RUNX2: variants seen among roughly 807,000 people sequenced by gnomAD.
RUNX2 encodes the protein RUNX family transcription factor 2, also known as runt-related transcription factor 2.
In RUNX2, 10 loss-of-function variants were observed where a neutral mutation model predicts 51.7. That is an observed-to-expected ratio of 0.19 (90% CI 0.12 to 0.33). The LOEUF (loss-of-function observed/expected upper bound fraction) is 0.33, where lower values mean the gene tolerates loss of function less well. Ranked by LOEUF, RUNX2 falls within the 10% of genes least tolerant of loss-of-function variation. RUNX2 has a pLI of 1.00. For missense variants in RUNX2, 562 were observed against 691.3 expected (o/e 0.81, Z 2.10); for synonymous variants, 276 against 273.6 (o/e 1.01, Z -0.09).
At chr6:45,441,217 T>C (rs1798833426) in intron 5 of RUNX2, among the ~76,000 whole-genome samples, 1 of 152,198 alleles carries the variant, frequency 6.6e-6, no homozygotes, top group African/African-American at 2.4e-5. Flanking sequence ...GTACTATCGG[T>C]TCCTGTTGTT....
intron 2 of RUNX2, among the ~76,000 whole-genome samples, chr6:45,331,104 GGTGTGTGTGT>G (rs143223149): frequency 6.7e-6 from 1 of 149,606 alleles, no homozygotes. Flanking sequence ...TACAATGAGT[GGTGTGTGTGT>G]GTGTGTGTGT....
At chr6:45,497,433 T>C (rs190807067) in intron 6 of RUNX2, among the ~76,000 whole-genome samples, 3 of 152,354 alleles carry the variant, frequency 2.0e-5, no homozygotes, top group African/African-American at 4.8e-5. Flanking sequence ...TTTTCTCCTT[T>C]TGTAATGTAC....
In RUNX2 at chr6:45,541,709, C is replaced by T. The variant is rs1802234630; in HGVS notation, c.1022-3508C>T. On this transcript the variant is annotated intron_variant, in intron 7 of 8. Transcript: ENST00000647337. ...TATGTTCAGTCTGGATTCAAGGCCCCCCTTCCTTTTTTCTGCCCTGACCTG... is the reference window on the plus strand; with the variant it reads ...TATGTTCAGTCTGGATTCAAGGCCCTCCTTCCTTTTTTCTGCCCTGACCTG... Among the ~76,000 whole-genome samples, 4 of 152,138 alleles carry T rather than the reference C, an allele frequency of 2.6e-5. No individual in the cohort carries two copies. The South Asian group carries it at 8.3e-4, about 32-fold the overall frequency.
At chr6:45,519,592 T>TA (rs1801435441) in intron 7 of RUNX2, among the ~76,000 whole-genome samples, 2 of 152,108 alleles carry the variant, frequency 1.3e-5, no homozygotes, top group Non-Finnish European at 2.9e-5. Flanking sequence ...TCTTTTTTTT[T>TA]AACTGTCTCT....
chr6:45,329,156 G>A (rs1485124462), intron 2 of RUNX2, among the ~76,000 whole-genome samples: 5 of 151,890 alleles, frequency 3.3e-5, no homozygotes, highest in East Asian at 1.9e-4. Flanking sequence ...TATTGACTCC[G>A]GCAGCTCCCA....
At chr6:45,436,426 C>T (rs1483631456) in intron 4 of RUNX2, among the ~76,000 whole-genome samples, 1 of 152,052 alleles carries the variant, frequency 6.6e-6, no homozygotes, top group Non-Finnish European at 1.5e-5. Flanking sequence ...CTTATTTGTG[C>T]AATGGGGGTG....
intron 5 of RUNX2, among the ~76,000 whole-genome samples, chr6:45,473,210 T>G (rs1799856551): frequency 6.6e-6 from 1 of 152,250 alleles, no homozygotes; most frequent in African/African-American, 2.4e-5. Flanking sequence ...AGTTGAATGT[T>G]GCTAGAATTT....
rs544872863 is a variant in RUNX2, at chr6:45,436,784, C to T, written c.581-1163C>T. On this transcript the variant is annotated intron_variant, in intron 4 of 8. Transcript: ENST00000647337. ...TTTGAAAAGACTGCATTAAACTTTG[C>T]ATTGGTACATATTGTCAAAGATTTG... Among the ~76,000 whole-genome samples the T allele has an allele frequency of 5.9e-4, 90 of 152,264 alleles. 2 individuals carry two copies. In the South Asian group the frequency reaches 0.018, roughly 31 times the overall value.
At chr6:45,469,584 A>C (rs77515781) in intron 5 of RUNX2, among the ~76,000 whole-genome samples, 4 of 152,334 alleles carry the variant, frequency 2.6e-5, no homozygotes, top group Non-Finnish European at 4.4e-5. Flanking sequence ...CACTGTAGAG[A>C]AAATACGGAG....
chr6:45,423,248 T>C (rs1798278041), intron 3 of RUNX2, among the ~76,000 whole-genome samples: 1 of 152,040 alleles, frequency 6.6e-6, no homozygotes, highest in Non-Finnish European at 1.5e-5. Flanking sequence ...TGGCCTTGAT[T>C]CTCACTCACT....
chr6:45,539,362 G>A (rs1050507340), intron 7 of RUNX2, among the ~76,000 whole-genome samples: 3 of 152,148 alleles, frequency 2.0e-5, no homozygotes, highest in Non-Finnish European at 4.4e-5. Flanking sequence ...CTGGATAGTC[G>A]AGGGACTTTC....
intron 2 of RUNX2, among the ~76,000 whole-genome samples, chr6:45,409,992 G>A (rs1797915790): frequency 6.6e-6 from 1 of 152,110 alleles, no homozygotes; most frequent in African/African-American, 2.4e-5. Context: ...CTGAGTTTGG[G>A]GCAAGAGATA....
Position 45,539,708 on chromosome 6 carries a change from G to A in RUNX2, c.1022-5509G>A, listed in dbSNP as rs76847274. Among the ~76,000 whole-genome samples the A allele has an allele frequency of 1.7e-3, 265 of 152,284 alleles. 2 individuals carry two copies. The highest frequency in any genetic ancestry group is 5.4e-3 in the African/African-American group (225 of 41,568). On this transcript the variant is annotated intron_variant, in intron 7 of 8. Transcript: ENST00000647337. The stretch of plus-strand genomic sequence containing the variant: ...TCCATAGCATTTCTACCTCTGTCGT[G>A]TTTGCCTCCTTGAGACTTTGGTAGT...
At chr6:45,407,738 G>A (rs757371951) in intron 2 of RUNX2, among the ~76,000 whole-genome samples, 4 of 151,910 alleles carry the variant, frequency 2.6e-5, no homozygotes, top group African/African-American at 7.3e-5. Flanking sequence ...GGCCTCAAGC[G>A]ATTCTCCTGC....
intron 6 of RUNX2, among the ~76,000 whole-genome samples, chr6:45,493,843 A>T (rs1271787539): frequency 6.6e-6 from 1 of 152,098 alleles, no homozygotes; most frequent in Non-Finnish European, 1.5e-5. Flanking sequence ...AATAAAATAT[A>T]TATAAATATA....
At position 45,463,121 on chromosome 6, in the gene RUNX2, A is replaced by G. The variant is rs143382672; in HGVS notation, c.685+25070A>G. Among the ~76,000 whole-genome samples, 4 of 152,318 alleles carry G rather than the reference A, an allele frequency of 2.6e-5. No homozygotes were observed. In the East Asian group the frequency reaches 7.7e-4, roughly 29 times the overall value. On this transcript the variant is annotated intron_variant, in intron 5 of 8. Transcript: ENST00000647337. ...ACCAAATATTGATCAATGACTTTTA[A>G]AAAGAAGGAGTCTTTACCAAATGGT...
At chr6:45,444,920 G>A (rs2819853) in intron 5 of RUNX2, among the ~76,000 whole-genome samples, 111,734 of 152,122 alleles carry the variant, frequency 0.73, 41,944 homozygotes, top group East Asian at 0.96. Context: ...GCGGCAGCTC[G>A]CTTTTATCCT....
intron 5 of RUNX2, among the ~76,000 whole-genome samples, chr6:45,441,994 G>T (rs1219809114): frequency 6.6e-6 from 1 of 152,156 alleles, no homozygotes; most frequent in Non-Finnish European, 1.5e-5. Flanking sequence ...TACACATCTG[G>T]CGTTGGCAGT....
At chr6:45,402,832 C>G (rs1399911869) in intron 2 of RUNX2, among the ~76,000 whole-genome samples, 1 of 152,136 alleles carries the variant, frequency 6.6e-6, no homozygotes, top group African/African-American at 2.4e-5. Flanking sequence ...TTCATCATGC[C>G]ACTACATTCC....
Sources: allele counts gnomAD v4.1 joint callset (sites outside exome capture counted in the v4.1 genomes callset), GRCh38; gene constraint gnomAD v4.1.1; transcripts MANE v1.5; gene names NCBI Gene and HGNC (gene_info 2026-07-23, HGNC 2026-07-21).